Variants in BBS10 observed in about 807,000 individuals in gnomAD.
BBS10 encodes BBSome complex assembly protein BBS10.
In BBS10, 13 loss-of-function variants were observed where a neutral mutation model predicts 12.7. That is an observed-to-expected ratio of 1.03 (90% CI 0.67 to 1.63). The LOEUF is 1.63. BBS10 is among the 40% of genes most tolerant of loss of function. BBS10 has a pLI of 0.00. For missense variants in BBS10, 858 were observed against 858.0 expected (o/e 1.00, Z 0.00); for synonymous variants, 294 against 304.8 (o/e 0.96, Z 0.37).
At position 76,348,243 on chromosome 12, in the gene BBS10, G is replaced by A. The variant is rs1277439507; in HGVS notation, c.116C>T (p.Thr39Met). ...VGPEGRQVLC[T>M]KPTGEVLLSR... is the part of the protein sequence containing the mutation. Reference sequence around the variant, plus strand: ...GAGAAGCACCTCGCCAGTGGGCTTCGTACACAAAACTTGCCGTCCCTCGGG... The same window carrying A: ...GAGAAGCACCTCGCCAGTGGGCTTCATACACAAAACTTGCCGTCCCTCGGG... Residue 39 changes from threonine to methionine, a missense_variant, in exon 1 of 2, where the codon ACG becomes ATG. By Grantham distance (81) the Thr-to-Met change is moderately conservative. Transcript: ENST00000650064. 1.9e-6 allele frequency: 3 copies of A among 1,613,798 alleles called. No homozygotes were observed. The highest frequency in any genetic ancestry group is 2.5e-6 in the Non-Finnish European group (3 of 1,179,828).
In BBS10 at chr12:76,348,317, C is replaced by T. The variant is rs373458861; in HGVS notation, c.42G>A (p.Ala14=). The change falls in exon 1 of 2, where the codon GCG becomes GCA. Residue 14 remains alanine (A), a synonymous_variant. Transcript: ENST00000650064. The part of the protein sequence containing the change: ...SMAAAGSVKA[A]LQVAEVLEAI... ...CTTCCAGCACCTCGGCCACCTGCAA[C>T]GCCGCCTTCACAGACCCTGCAGCGG... 68 of 1,609,562 alleles carry T rather than the reference C, an allele frequency of 4.2e-5. No homozygotes were observed. Among genetic ancestry groups the T allele is most frequent in the Non-Finnish European group, 5.4e-5 (64 of 1,178,048 alleles).
In BBS10 at chr12:76,344,943, AT is replaced by A. The variant is rs529419589; in HGVS notation, c.*869del. On this transcript the variant is annotated 3_prime_UTR_variant, in exon 2 of 2. Coordinates refer to ENST00000650064, the MANE Select transcript of BBS10 (RefSeq NM_024685.4). Reference sequence around the variant, plus strand: ...AATAAATTAGAAATAAAAATTAAAAATAAAACAGAAATAAACATTAGAAATA... The same window carrying A: ...AATAAATTAGAAATAAAAATTAAAAAAAAACAGAAATAAACATTAGAAATA... 19 of 152,204 alleles carry A rather than the reference AT, an allele frequency of 1.2e-4. No individual in the cohort carries two copies. Among genetic ancestry groups the A allele is most frequent in the Non-Finnish European group, 1.9e-4 (13 of 68,006 alleles). 9.4% of individuals were successfully genotyped at this position (152,204 alleles called of 1,614,324 possible).
rs1389018722 is a variant in BBS10 at position 76,344,954 on chromosome 12, A to G, written c.*859T>C. On this transcript the variant is annotated 3_prime_UTR_variant, in exon 2 of 2. Transcript: ENST00000650064. ...AATAAAAATTAAAAATAAAACAGAA[A>G]TAAACATTAGAAATAAAAATTGTCA... is the stretch of plus-strand genomic sequence containing the variant. 1 of 152,208 alleles carries G rather than the reference A, an allele frequency of 6.6e-6. No homozygotes were observed. The highest frequency in any genetic ancestry group is 1.5e-5 in the Non-Finnish European group (1 of 68,014). The allele number at this position is 152,208 out of a possible 1,614,324, so 9.4% of individuals were successfully genotyped here.
In BBS10 at chr12:76,346,448, G is replaced by T; in HGVS notation, c.1537C>A (p.Pro513Thr). The T allele has an allele frequency of 6.2e-7, 1 of 1,614,116 alleles. No individual in the cohort carries two copies. The highest frequency in any genetic ancestry group is 8.5e-7 in the Non-Finnish European group (1 of 1,179,982). Reference sequence around the variant, plus strand: ...TCAACTGTTTGGAATGTATCTGTTGGTGTCAGTGTGGGGGTTGAATACGGA... The same window carrying T: ...TCAACTGTTTGGAATGTATCTGTTGTTGTCAGTGTGGGGGTTGAATACGGA... ...YIPYSTPTLT[P>T]TDTFQTVETL... The change falls in exon 2 of 2, where the codon CCA becomes ACA. Residue 513 changes from proline to threonine, a missense_variant. By Grantham distance (38) the Pro-to-Thr change is conservative (BLOSUM62 -1). Transcript: ENST00000650064.
Position 76,347,712 on chromosome 12 carries a change from G to A in BBS10, c.273C>T (p.Cys91=). The change falls in exon 2 of 2, where the codon TGC becomes TGT. Residue 91 remains cysteine, a synonymous_variant. Coordinates refer to ENST00000650064, the MANE Select transcript of BBS10 (RefSeq NM_024685.4). ...TTGCATGAAGTCCTCTAAGCAAATG[G>A]CAAAGAAAGATAATAAATGTTTTTG... ...DGAKTFIIFL[C]HLLRGLHAIT... 1 of 1,610,568 alleles carries A rather than the reference G, an allele frequency of 6.2e-7. No homozygotes were observed. Among genetic ancestry groups the A allele is most frequent in the South Asian group, 1.1e-5 (1 of 90,990 alleles).
rs1951765745 is a variant in BBS10 at position 76,347,165 on chromosome 12, C to T, written c.820G>A (p.Glu274Lys). 6.2e-7 allele frequency: 1 copy of T among 1,610,980 alleles called. No homozygotes were observed. Among genetic ancestry groups the T allele is most frequent in the African/African-American group, 1.3e-5 (1 of 74,924 alleles). Residue 274 changes from glutamate to lysine, a missense_variant, in exon 2 of 2, where the codon GAG becomes AAG. Transcript: ENST00000650064. ...TGTGCTTCTGAATTTAGAATAAACT[C>T]TGATCCAGAAGTGGAAAAAAGAGGC... ...IQPLFSTSGS[E>K]FILNSEAQFQ...
At position 76,347,326 on chromosome 12, in the gene BBS10, T is replaced by G. The variant is rs1453029692; in HGVS notation, c.659A>C (p.Glu220Ala). 7 of 1,613,908 alleles carry G rather than the reference T, an allele frequency of 4.3e-6. No individual in the cohort carries two copies. Among genetic ancestry groups the G allele is most frequent in the Non-Finnish European group, 5.9e-6 (7 of 1,180,020 alleles). ...AAGGCCAGTGACACCAACATTCAAC[T>G]CTACAAAATGGTCATCCACTAACTC... ...VFELVDDHFV[E>A]LNVGVTGLPV... The change falls in exon 2 of 2, where the codon GAG (glutamate) becomes GCG (alanine). Residue 220 changes from glutamate (E) to alanine (A), a missense_variant. By Grantham distance (107) the Glu-to-Ala change is moderately radical (BLOSUM62 -1). Coordinates refer to ENST00000650064, the MANE Select transcript of BBS10 (RefSeq NM_024685.4).
rs781080674 is a variant in BBS10 at position 76,347,033 on chromosome 12, A to C, written c.952T>G (p.Leu318Val). Residue 318 changes from leucine (L) to valine (V), a missense_variant, in exon 2 of 2, where the codon TTA becomes GTA. Physicochemically the swap from Leu to Val is conservative, Grantham distance 32. Transcript: ENST00000650064. ...TTCACCCCTGCATAATAACTAACTA[A>C]ATCTGGTTGTTTCACACTAGATATG... The part of the protein sequence containing the change: ...LLISSVKQPD[L>V]VSYYAGVNGI... The C allele has an allele frequency of 2.1e-5, 34 of 1,612,862 alleles. No homozygotes were observed. The highest frequency in any genetic ancestry group is 2.6e-5 in the Non-Finnish European group (31 of 1,179,966).
Position 76,346,633 on chromosome 12 carries a change from C to A in BBS10, c.1352G>T (p.Ser451Ile), listed in dbSNP as rs758296848. The A allele has an allele frequency of 6.2e-7, 1 of 1,614,060 alleles. No homozygotes were observed. The highest frequency in any genetic ancestry group is 8.5e-7 in the Non-Finnish European group (1 of 1,179,952). ...GTSSLFIYKN[S>I]GESYQAPDPG... is the part of the protein sequence containing the mutation. ...ATCTGGTGCTTGATAACTTTCTCCACTGTTCTTATAAATAAAAAGACTTGA... is the reference window on the plus strand; with the variant it reads ...ATCTGGTGCTTGATAACTTTCTCCAATGTTCTTATAAATAAAAAGACTTGA... The change falls in exon 2 of 2, where the codon AGT becomes ATT. Residue 451 changes from serine (S) to isoleucine (I), a missense_variant. By Grantham distance (142) the Ser-to-Ile change is moderately radical. Transcript: ENST00000650064.
Sources: gnomAD v4.1 joint callset for allele counts on GRCh38, gnomAD v4.1.1 for gene constraint, MANE v1.5 for transcripts, NCBI Gene and HGNC (gene_info 2026-07-23, HGNC 2026-07-21) for gene names.